MAPK14: variants seen among roughly 807,000 people sequenced by gnomAD.
MAPK14 encodes the protein CSAID-binding protein.
Under a neutral mutation model 49.6 loss-of-function variants are expected in MAPK14, and 16 were observed. That is an observed-to-expected ratio of 0.32 (90% CI 0.22 to 0.49). The LOEUF (loss-of-function observed/expected upper bound fraction) is 0.49. MAPK14 is among the 20% of genes least tolerant of loss of function. The pLI, the probability that MAPK14 is intolerant of heterozygous loss-of-function variation, is 0.99. For missense variants in MAPK14, 200 were observed against 441.2 expected (o/e 0.45, Z 4.90); for synonymous variants, 142 against 158.0 (o/e 0.90, Z 0.76).
Position 36,075,225 on chromosome 6 carries a change from C to CAAAA in MAPK14, c.496-602_496-599dup, listed in dbSNP as rs70975130. Among the ~76,000 whole-genome samples, 108 of 62,926 alleles carry CAAAA rather than the reference C, an allele frequency of 1.7e-3. 5 individuals are homozygous for CAAAA. The highest frequency in any genetic ancestry group is 6.1e-3 in the African/African-American group (84 of 13,882). The allele number at this position is 62,926 out of a possible 152,430, so 41.3% of individuals were successfully genotyped here. ...TGGGCAACAGAGCAAGACTCCGTCT[C>CAAAA]AAAAAAAAAAAAAAAAAAAAAAAAG... On this transcript the variant is annotated intron_variant, in intron 6 of 11. Transcript: ENST00000229794.
intron 2 of MAPK14, among the ~76,000 whole-genome samples, chr6:36,055,151 A>G (rs1173525049): frequency 2.6e-5 from 4 of 152,210 alleles, no homozygotes; most frequent in Non-Finnish European, 5.9e-5. Context: ...TCTCGTTAAC[A>G]CCTGCTCTAA....
chr6:36,108,718 G>A lies in MAPK14; in HGVS notation c.*271G>A. 2.2e-6 allele frequency: 1 copy of A among 454,666 alleles called. No homozygotes were observed. The allele number at this position is 454,666 out of a possible 1,614,324, so 28.2% of individuals were successfully genotyped here. A position where few individuals can be genotyped will look rare whatever the true frequency, so the allele number is the denominator to read the frequency against. On this transcript the variant is annotated 3_prime_UTR_variant, in exon 12 of 12. Transcript: ENST00000229794. ...CAGCCTCCACCTTGCTCTTCTTTCT[G>A]AGAGTTGGCTCAGGCAGACAAGAGC...
chr6:36,068,231 T>C (rs2127435932), intron 3 of MAPK14, among the ~76,000 whole-genome samples: 1 of 152,192 alleles, frequency 6.6e-6, no homozygotes, highest in African/African-American at 2.4e-5. Context: ...GCATGATATA[T>C]TGGAACTGGA....
At chr6:36,073,234 T>G in intron 4 of MAPK14, 1 of 485,214 alleles carries the variant, frequency 2.1e-6, no homozygotes, top group East Asian at 3.9e-5. Flanking sequence ...AGACATTATA[T>G]AATACCATCC....
At chr6:36,102,266 T>C (rs529799320) in intron 9 of MAPK14, among the ~76,000 whole-genome samples, 7 of 152,344 alleles carry the variant, frequency 4.6e-5, no homozygotes, top group African/African-American at 7.2e-5. Context: ...TTCTTACATA[T>C]CTTGGCCTCA....
In MAPK14 at chr6:36,033,673, A is replaced by G. The variant is rs192061447; in HGVS notation, c.116+5400A>G. Among the ~76,000 whole-genome samples the G allele has an allele frequency of 1.0e-3, 157 of 152,264 alleles. 2 individuals are homozygous for G. The Middle Eastern group carries it at 0.014, about 13-fold the overall frequency. ...GGATCTCCAGGTTTTCAGTTCTGCC[A>G]GTTTGATTTCTTGATACTGAGGAGT... On this transcript the variant is annotated intron_variant, in intron 1 of 11. Transcript: ENST00000229794.
In MAPK14 at chr6:36,084,132, A is replaced by G. The variant is rs573204177; in HGVS notation, c.682+7524A>G. Among the ~76,000 whole-genome samples, 3 of 152,326 alleles carry G rather than the reference A, an allele frequency of 2.0e-5. No individual in the cohort carries two copies. The East Asian group carries it at 5.8e-4, about 29-fold the overall frequency. ...GAAGAGGGGCCTGACTGTTAAAAGC[A>G]AAACAAATGGAAAGCAACAACAACA... On this transcript the variant is annotated intron_variant, in intron 8 of 11. Coordinates refer to ENST00000229794, the MANE Select transcript of MAPK14 (RefSeq NM_139012.3).
intron 1 of MAPK14, among the ~76,000 whole-genome samples, chr6:36,036,718 T>C (rs1042425093): frequency 6.6e-6 from 1 of 151,858 alleles, no homozygotes; most frequent in Admixed American, 6.6e-5. Context: ...ACCCTTAGCA[T>C]TTTTTAGCAA....
At chr6:36,098,702 A>G (rs1203932199) in intron 9 of MAPK14, among the ~76,000 whole-genome samples, 2 of 152,236 alleles carry the variant, frequency 1.3e-5, no homozygotes, top group Non-Finnish European at 2.9e-5. Context: ...GCCAGGTATC[A>G]TTCACAGAAA....
At chr6:36,029,638 G>C (rs1433721613) in intron 1 of MAPK14, among the ~76,000 whole-genome samples, 3 of 152,128 alleles carry the variant, frequency 2.0e-5, no homozygotes, top group Non-Finnish European at 1.5e-5. Flanking sequence ...GTTTCCCAAA[G>C]TCACATCATG....
At chr6:36,040,461 T>G (rs960140172) in intron 1 of MAPK14, among the ~76,000 whole-genome samples, 1 of 152,230 alleles carries the variant, frequency 6.6e-6, no homozygotes, top group African/African-American at 2.4e-5. Flanking sequence ...AATGCTATAC[T>G]TTCTGCATTA....
chr6:36,096,298 G>A lies in MAPK14; in HGVS notation c.762+232G>A, dbSNP rs376419929. On this transcript the variant is annotated intron_variant, in intron 9 of 11. Coordinates refer to ENST00000229794, the MANE Select transcript of MAPK14 (RefSeq NM_139012.3). Reference sequence around the variant, plus strand: ...CTATCTGGGTACACACTAAGATCACGGGAGCCTCCATTAGACAATAGTATC... The same window carrying A: ...CTATCTGGGTACACACTAAGATCACAGGAGCCTCCATTAGACAATAGTATC... The A allele has an allele frequency of 1.0e-3, 439 of 432,724 alleles. 1 individual carries two copies. Among genetic ancestry groups the A allele is most frequent in the African/African-American group, 8.0e-3 (400 of 49,830 alleles). 26.8% of individuals were successfully genotyped at this position (432,724 alleles called of 1,614,324 possible). A position where few individuals can be genotyped will look rare whatever the true frequency, so the allele number is the denominator to read the frequency against.
the MAPK14 span, among the ~76,000 whole-genome samples, chr6:36,117,907 C>T: frequency 6.6e-6 from 1 of 152,176 alleles, no homozygotes; most frequent in African/African-American, 2.4e-5. Flanking sequence ...TTGCAGATCA[C>T]CTTGTCTTTT....
intron 1 of MAPK14, among the ~76,000 whole-genome samples, chr6:36,036,544 A>AGC (rs140718): frequency 0.26 from 39,739 of 151,772 alleles, 5,463 homozygotes; most frequent in African/African-American, 0.34. Context: ...CAATGCAGCA[A>AGC]TTCACCGTTG....
intron 8 of MAPK14, among the ~76,000 whole-genome samples, chr6:36,080,428 G>A (rs1194565445): frequency 6.6e-6 from 1 of 152,022 alleles, no homozygotes; most frequent in Non-Finnish European, 1.5e-5. Flanking sequence ...GCTTATTCTA[G>A]AAATTTCATA....
At chr6:36,083,243 G>A (rs1764836334) in intron 8 of MAPK14, among the ~76,000 whole-genome samples, 1 of 152,204 alleles carries the variant, frequency 6.6e-6, no homozygotes, top group African/African-American at 2.4e-5. Context: ...AGCTGCAAAG[G>A]GCAAGGGGAG....
At chr6:36,073,528 A>C (rs941107930) in intron 4 of MAPK14, among the ~76,000 whole-genome samples, 163 bp from the exon 5 acceptor site, 1 of 152,370 alleles carries the variant, frequency 6.6e-6, no homozygotes, top group South Asian at 2.1e-4. Flanking sequence ...TGGAAATTAT[A>C]GTAATGGTAA....
chr6:36,081,200 C>T (rs1252316481), intron 8 of MAPK14, among the ~76,000 whole-genome samples: 1 of 151,782 alleles, frequency 6.6e-6, no homozygotes, highest in African/African-American at 2.4e-5. Flanking sequence ...TTTTTTCTGT[C>T]CTTGCTCATG....
At chr6:36,086,918 G>T (rs927368095) in intron 8 of MAPK14, among the ~76,000 whole-genome samples, 6 of 152,158 alleles carry the variant, frequency 3.9e-5, no homozygotes, top group African/African-American at 1.4e-4. Flanking sequence ...ACCAAATCCA[G>T]CAGCATGTCA....
Sources: allele counts gnomAD v4.1 joint callset (sites outside exome capture counted in the v4.1 genomes callset), GRCh38; gene constraint gnomAD v4.1.1; transcripts MANE v1.5; gene names NCBI Gene and HGNC (gene_info 2026-07-23, HGNC 2026-07-21).